Variants in ZNF679 observed in about 807,000 individuals in gnomAD.
ZNF679 encodes the protein zinc finger protein 679.
In ZNF679, 10 loss-of-function variants were observed where a neutral mutation model predicts 13.4. That is an observed-to-expected ratio of 0.75 (90% CI 0.46 to 1.27). The LOEUF is 1.27. ZNF679 is among the 50% of genes most tolerant of loss of function. The pLI is 0.00. For missense variants in ZNF679, 525 were observed against 477.8 expected (o/e 1.10, Z -0.92); for synonymous variants, 179 against 162.5 (o/e 1.10, Z -0.77).
intron 2 of ZNF679, among the ~76,000 whole-genome samples, chr7:64,249,887 A>G (rs1787922077): frequency 6.6e-6 from 1 of 151,990 alleles, no homozygotes; most frequent in Middle Eastern, 3.2e-3. Flanking sequence ...TGTTGTCCTT[A>G]CTGGAGTGCA....
chr7:64,247,852 T>C (rs1787888876), intron 1 of ZNF679, among the ~76,000 whole-genome samples: 1 of 141,006 alleles, frequency 7.1e-6, no homozygotes, highest in Non-Finnish European at 1.6e-5. Flanking sequence ...CGCCTGGCCC[T>C]ACCATGTTTT....
intron 2 of ZNF679, among the ~76,000 whole-genome samples, chr7:64,259,411 G>C (rs1362475769): frequency 6.6e-6 from 1 of 152,166 alleles, no homozygotes; most frequent in Non-Finnish European, 1.5e-5. Flanking sequence ...ATGTCTTGTT[G>C]AAGTTTCATC....
At chr7:64,236,862 A>C (rs1222542811) in intron 1 of ZNF679, among the ~76,000 whole-genome samples, 1 of 146,304 alleles carries the variant, frequency 6.8e-6, no homozygotes, top group Non-Finnish European at 1.5e-5. Context: ...AAAGAAAGAA[A>C]AAAAGAAAGA....
intron 1 of ZNF679, among the ~76,000 whole-genome samples, chr7:64,244,528 G>A (rs780052193): frequency 2.0e-5 from 3 of 151,970 alleles, no homozygotes; most frequent in Non-Finnish European, 4.4e-5. Flanking sequence ...CTTTAACTAC[G>A]GTTATGAACC....
At chr7:64,245,014 A>G (rs1368897697) in intron 1 of ZNF679, among the ~76,000 whole-genome samples, 2 of 152,016 alleles carry the variant, frequency 1.3e-5, no homozygotes, top group African/African-American at 2.4e-5. Flanking sequence ...TGTTTCAGGG[A>G]CTTCTTCTTT....
intron 1 of ZNF679, among the ~76,000 whole-genome samples, chr7:64,239,049 T>A (rs1025126557): frequency 9.9e-5 from 15 of 152,076 alleles, no homozygotes; most frequent in African/African-American, 3.6e-4. Context: ...GAGAGTCTCA[T>A]AACAGGGCCC....
intron 2 of ZNF679, among the ~76,000 whole-genome samples, chr7:64,250,670 C>A (rs978662535): frequency 4.6e-5 from 7 of 151,954 alleles, no homozygotes; most frequent in Non-Finnish European, 2.9e-5. Flanking sequence ...CTCATTACAA[C>A]CTCTGCCTCC....
At chr7:64,233,994 C>A (rs571264729) in intron 1 of ZNF679, among the ~76,000 whole-genome samples, 1 of 151,862 alleles carries the variant, frequency 6.6e-6, no homozygotes, top group Non-Finnish European at 1.5e-5. Context: ...ATGCTCGGTG[C>A]TACTGGGAAG....
chr7:64,265,384 A>T (rs556647629), intron 4 of ZNF679, among the ~76,000 whole-genome samples: 5 of 152,238 alleles, frequency 3.3e-5, no homozygotes, highest in Admixed American at 6.5e-5. Context: ...CCTATTTTCT[A>T]TCCATGTACT....
At chr7:64,261,020 T>C (rs1484726840) in intron 4 of ZNF679, 91 bp downstream of exon 4, 31 of 1,321,242 alleles carry the variant, frequency 2.3e-5, no homozygotes, top group African/African-American at 3.1e-5. Flanking sequence ...TGGGGAGATG[T>C]GCTTCCATGG....
chr7:64,258,894 TTTTTGTTTTG>T (rs76767120), intron 2 of ZNF679, among the ~76,000 whole-genome samples: 34 of 150,912 alleles, frequency 2.3e-4, no homozygotes, highest in East Asian at 1.8e-3. Context: ...TTTTTTGTTG[TTTTTGTTTTG>T]TTTTGTTTTG....
chr7:64,248,286 AT>A (rs569032288), intron 1 of ZNF679, among the ~76,000 whole-genome samples: 165 of 144,642 alleles, frequency 1.1e-3, no homozygotes, highest in Middle Eastern at 3.6e-3. Context: ...GGCAAATACA[AT>A]TTTTTTTTTT....
At chr7:64,242,633 A>G (rs946676742) in intron 1 of ZNF679, among the ~76,000 whole-genome samples, 2 of 152,192 alleles carry the variant, frequency 1.3e-5, no homozygotes, top group Non-Finnish European at 2.9e-5. Context: ...CCCTATATAA[A>G]GGTGACAATT....
At chr7:64,245,318 G>A (rs1787852644) in intron 1 of ZNF679, among the ~76,000 whole-genome samples, 1 of 152,030 alleles carries the variant, frequency 6.6e-6, no homozygotes, top group Admixed American at 6.6e-5. Flanking sequence ...GAGTCACCAT[G>A]CCCGGCCTGT....
chr7:64,238,278 C>T (rs1377885432), intron 1 of ZNF679, among the ~76,000 whole-genome samples: 1 of 152,114 alleles, frequency 6.6e-6, no homozygotes, highest in African/African-American at 2.4e-5. Context: ...CCATTCTGCC[C>T]TCCTCTCCCA....
intron 4 of ZNF679, among the ~76,000 whole-genome samples, chr7:64,263,917 T>C (rs1208535853): frequency 1.3e-5 from 2 of 152,146 alleles, no homozygotes; most frequent in Non-Finnish European, 2.9e-5. Context: ...TTCTGTTTTT[T>C]AATTAATTTT....
At chr7:64,244,050 A>G (rs2116521437) in intron 1 of ZNF679, among the ~76,000 whole-genome samples, 1 of 152,236 alleles carries the variant, frequency 6.6e-6, no homozygotes, top group African/African-American at 2.4e-5. Context: ...AGGAGTTCCA[A>G]GACAGCCTGA....
intron 2 of ZNF679, 138 bp downstream of exon 2, chr7:64,249,294 C>A: frequency 2.2e-6 from 3 of 1,389,462 alleles, no homozygotes; most frequent in Non-Finnish European, 3.0e-6. Flanking sequence ...CCCAGGTGGG[C>A]TGTTAGTCCC....
chr7:64,257,183 A>G lies in ZNF679; in HGVS notation c.40-3038A>G, dbSNP rs543655678. On this transcript the variant is annotated intron_variant, in intron 2 of 4. Coordinates refer to ENST00000421025, the MANE Select transcript of ZNF679 (RefSeq NM_153363.3). ...CTTGTAATTATAACATCAGGTTTGT[A>G]AATTGAGATCTTTCTAACTCTTTGG... 3.2e-4 allele frequency among the ~76,000 whole-genome samples: 49 copies of G among 152,350 alleles called. No homozygotes were observed. In the South Asian group the frequency reaches 9.5e-3, roughly 30 times the overall value.
Sources: gnomAD v4.1 joint callset for allele counts (sites outside exome capture counted in the v4.1 genomes callset) on GRCh38, gnomAD v4.1.1 for gene constraint, MANE v1.5 for transcripts, NCBI Gene and HGNC (gene_info 2026-07-23, HGNC 2026-07-21) for gene names.